The following DISP3 variants were observed in gnomAD, a reference collection of about 807,000 sequenced individuals.
DISP3 encodes the protein dispatched RND transporter family member 3.
A neutral mutation model predicts 135.3 loss-of-function variants in DISP3; 101 were observed. The ratio of observed to expected loss-of-function variants is 0.75; its 90% CI spans 0.64 to 0.88. The LOEUF (loss-of-function observed/expected upper bound fraction) is 0.88. Ranked by LOEUF, DISP3 falls within the 40% of genes least tolerant of loss-of-function variation. The pLI, the probability that DISP3 is intolerant of heterozygous loss-of-function variation, is 0.00. For missense variants in DISP3, 1,713 were observed against 1,878.6 expected, an observed-to-expected ratio of 0.91 and a Z score of 1.63; for synonymous variants, 856 against 817.0, an observed-to-expected ratio of 1.05 and a Z score of -0.81.
At position 11,519,644 on chromosome 1, in the gene DISP3, G is replaced by A. The variant is rs1642118794; in HGVS notation, c.2039-75G>A. The A allele has an allele frequency of 3.8e-6, 6 of 1,576,120 alleles. No homozygotes were observed. Among genetic ancestry groups the A allele is most frequent in the Non-Finnish European group, 5.2e-6 (6 of 1,159,896 alleles). On this transcript the variant is annotated intron_variant, in intron 8 of 20. Coordinates refer to ENST00000294484, the MANE Select transcript of DISP3 (RefSeq NM_020780.2). This position sits in a 1 kb window ranked among gnomAD's most constrained non-coding sequence, Gnocchi z 4.3. ...GTGGGCTTCCTCACCAGGCATCTGGGCTTCCCTGGAAGCGAGCGTGGACCA... is the reference window on the plus strand; with the variant it reads ...GTGGGCTTCCTCACCAGGCATCTGGACTTCCCTGGAAGCGAGCGTGGACCA...
Position 11,514,515 on chromosome 1 carries a change from C to T in DISP3, c.1442C>T (p.Thr481Ile). ...SCIAALVYIL[T>I]SCSVFLSFFG... ...ATTGCTGCCCTGGTCTACATCCTCA[C>T]CTCCTGCTCAGGTAGGGCTTCTCTC... Residue 481 changes from threonine (T) to isoleucine (I), a missense_variant, in exon 4 of 21, where the codon ACC becomes ATC. By Grantham distance (89) the Thr-to-Ile change is moderately conservative. Transcript: ENST00000294484. 1.2e-6 allele frequency: 2 copies of T among 1,613,928 alleles called. No homozygotes were observed. The highest frequency in any genetic ancestry group is 1.7e-6 in the Non-Finnish European group (2 of 1,179,848).
chr1:11,534,566 C>A, intron 18 of DISP3, 26 bp downstream of exon 18: 1 of 1,582,066 alleles, frequency 6.3e-7, no homozygotes, highest in South Asian at 1.2e-5. Context: ...GCCCCTCCAT[C>A]CTGGGTGGGC....
At position 11,500,971 on chromosome 1, in the gene DISP3, C is replaced by G; in HGVS notation, c.-3-19C>G. On this transcript the variant is annotated intron_variant, in intron 1 of 20. Transcript: ENST00000294484. ...CCTCACTGTCTCTCTAGCCTGCTGA[C>G]CCTCTCCCTCTCCTGCAGACTATGG... is the stretch of plus-strand genomic sequence containing the variant. 6.2e-7 allele frequency: 1 copy of G among 1,612,498 alleles called. No homozygotes were observed. The highest frequency in any genetic ancestry group is 1.1e-5 in the South Asian group (1 of 90,926).
chr1:11,513,979 G>A (rs1004354106), intron 3 of DISP3, among the ~76,000 whole-genome samples: 1 of 149,752 alleles, frequency 6.7e-6, no homozygotes. Flanking sequence ...AAAATAACTT[G>A]TGTTAAGGAC....
chr1:11,501,688 C>T lies in DISP3; in HGVS notation c.696C>T (p.Tyr232=). The T allele has an allele frequency of 6.2e-7, 1 of 1,604,328 alleles. No homozygotes were observed. Among genetic ancestry groups the T allele is most frequent in the Non-Finnish European group, 8.5e-7 (1 of 1,176,132 alleles). The change falls in exon 2 of 21, where the codon TAC becomes TAT. Residue 232 remains tyrosine (Y), a synonymous_variant. Coordinates refer to ENST00000294484, the MANE Select transcript of DISP3 (RefSeq NM_020780.2). This position sits in a 1 kb window ranked among gnomAD's most constrained non-coding sequence, Gnocchi z 4.9. ...AGCGGCTGAGCAAGAATGGGCGGTA[C>T]CAGCCCAGCATCCCGCCCCACGCGG... ...RNQRLSKNGR[Y]QPSIPPHAAV... is the part of the protein sequence containing the mutation.
chr1:11,535,147 G>A, intron 19 of DISP3, 23 bp downstream of exon 19: 1 of 1,571,224 alleles, frequency 6.4e-7, no homozygotes, highest in Non-Finnish European at 8.6e-7. Context: ...GGGGCTGGCA[G>A]GCACCCTGCT....
intron 3 of DISP3, among the ~76,000 whole-genome samples, chr1:11,503,662 T>C (rs1641618912): frequency 6.6e-6 from 1 of 152,156 alleles, no homozygotes; most frequent in Non-Finnish European, 1.5e-5. Flanking sequence ...GCCACTGAGA[T>C]GCCAGTCTCC....
In DISP3 at chr1:11,503,067, T is replaced by C. The variant is rs1030078217; in HGVS notation, c.1316+170T>C. Among the ~76,000 whole-genome samples the C allele has an allele frequency of 2.6e-5, 4 of 152,380 alleles. No individual in the cohort carries two copies. In the East Asian group the frequency reaches 7.7e-4, roughly 29 times the overall value. On this transcript the variant is annotated intron_variant, in intron 3 of 20. Transcript: ENST00000294484. Reference sequence around the variant, plus strand: ...TTGCAGTCTCTCTGACAAATGGAAGTACGCTTTGCTTGATCAGTGCTAATA... The same window carrying C: ...TTGCAGTCTCTCTGACAAATGGAAGCACGCTTTGCTTGATCAGTGCTAATA...
chr1:11,479,898 G>A (rs1314436429), intron 1 of DISP3, among the ~76,000 whole-genome samples: 1 of 152,160 alleles, frequency 6.6e-6, no homozygotes, highest in East Asian at 1.9e-4. Context: ...CTGCAGGTCC[G>A]GCCGGGGAGG....
At chr1:11,522,783 G>A (rs374998294) in intron 10 of DISP3, among the ~76,000 whole-genome samples, 1,302 of 16,154 alleles carry the variant, frequency 0.081, 2 homozygotes, top group East Asian at 0.1. Flanking sequence ...CCCAGCCAGG[G>A]CCCAGCCAGA....
At chr1:11,509,723 CA>C (rs1467172818) in intron 3 of DISP3, among the ~76,000 whole-genome samples, 1 of 152,116 alleles carries the variant, frequency 6.6e-6, no homozygotes, top group East Asian at 1.9e-4. Flanking sequence ...TTCATGTTAG[CA>C]TGGTATATCA....
intron 3 of DISP3, among the ~76,000 whole-genome samples, chr1:11,508,821 T>G (rs1474795167): frequency 6.6e-6 from 1 of 152,180 alleles, no homozygotes; most frequent in Non-Finnish European, 1.5e-5. Context: ...AAATGTACAA[T>G]TAACTTATTA....
Position 11,531,705 on chromosome 1 carries a change from G to A in DISP3, c.3370G>A (p.Glu1124Lys), listed in dbSNP as rs1359184018. 3.8e-6 allele frequency: 6 copies of A among 1,599,132 alleles called. No homozygotes were observed. The highest frequency in any genetic ancestry group is 2.2e-5 in the East Asian group (1 of 44,726). The change falls in exon 17 of 21, where the codon GAG becomes AAG. Residue 1124 changes from glutamate to lysine, a missense_variant. This residue lies in a region of DISP3 where 1,142 missense variants were observed against 1,384.6 expected (regional missense o/e 0.82). Transcript: ENST00000294484. This position sits in a 1 kb window ranked among gnomAD's most constrained non-coding sequence, Gnocchi z 5.2. ...GRVQWISMAF[E>K]STTYKGKSSF... ...CGTGCAGTGGATCTCCATGGCTTTC[G>A]AGTCGGTGAGCCCAGGCAGCCTCAC...
intron 1 of DISP3, among the ~76,000 whole-genome samples, chr1:11,492,158 G>A (rs962360230): frequency 1.6e-4 from 24 of 147,312 alleles, no homozygotes; most frequent in African/African-American, 5.3e-4. Context: ...GTTAATAATC[G>A]TACTAGCTGC....
chr1:11,525,027 G>A, intron 11 of DISP3, 149 bp from the exon 12 acceptor site: 1 of 956,056 alleles, frequency 1.0e-6, no homozygotes, highest in Non-Finnish European at 1.6e-6. Flanking sequence ...ACCTGGTCCA[G>A]TAGAGAGGGG....
chr1:11,522,975 G>A (rs1353267657), intron 10 of DISP3, among the ~76,000 whole-genome samples: 1 of 151,250 alleles, frequency 6.6e-6, no homozygotes, highest in South Asian at 2.1e-4. Context: ...CCAGGACCCA[G>A]CCGGAGCCCA....
rs184831796 is a variant in DISP3, at chr1:11,515,263, G to A, written c.1454-106G>A. ...GGAACAGAGTGGTGAATGGTGACCAGGGTTGGGGAGAAGAGACAGGACCCA... is the reference window on the plus strand; with the variant it reads ...GGAACAGAGTGGTGAATGGTGACCAAGGTTGGGGAGAAGAGACAGGACCCA... On this transcript the variant is annotated intron_variant, in intron 4 of 20. Coordinates refer to ENST00000294484, the MANE Select transcript of DISP3 (RefSeq NM_020780.2). The A allele has an allele frequency of 7.7e-5, 110 of 1,436,636 alleles. No homozygotes were observed. In the African/African-American group the frequency reaches 1.3e-3, roughly 18 times the overall value. 89.0% of individuals were successfully genotyped at this position (1,436,636 alleles called of 1,614,324 possible). A position where few individuals can be genotyped will look rare whatever the true frequency, so the allele number is the denominator to read the frequency against.
chr1:11,528,883 TG>T (rs758200790), intron 13 of DISP3, among the ~76,000 whole-genome samples: 5 of 152,190 alleles, frequency 3.3e-5, no homozygotes, highest in Admixed American at 6.5e-5. Flanking sequence ...GGCTGCAGCT[TG>T]GAGGCCAGGG....
chr1:11,515,814 G>A (rs754630099), intron 5 of DISP3, among the ~76,000 whole-genome samples, 187 bp from the exon 6 acceptor site: 3 of 152,120 alleles, frequency 2.0e-5, no homozygotes, highest in Non-Finnish European at 4.4e-5. Context: ...GGAGTGTGGT[G>A]GGTGGGGCTT....
Sources: allele counts gnomAD v4.1 joint callset (sites outside exome capture counted in the v4.1 genomes callset), GRCh38; gene constraint gnomAD v4.1.1; regional missense constraint gnomAD v4.1.1; non-coding constraint Gnocchi (gnomAD v3.1); transcripts MANE v1.5; gene names NCBI Gene and HGNC (gene_info 2026-07-23, HGNC 2026-07-21).